DHX8: variants seen among roughly 807,000 people sequenced by gnomAD.
The protein encoded by DHX8 is ATP-dependent RNA helicase DHX8.
In DHX8, 67 loss-of-function variants were observed where a neutral mutation model predicts 140.7. The observed-to-expected ratio is 0.48, with a 90% CI of 0.39 to 0.58. The LOEUF is 0.58. Among genes scored for constraint, DHX8 ranks in the 20% least tolerant of loss-of-function variants. The pLI is 0.00. For synonymous variants in DHX8, 533 were observed against 553.2 expected, an observed-to-expected ratio of 0.96 and a Z score of 0.51; for missense variants, 887 against 1,550.7, an observed-to-expected ratio of 0.57 and a Z score of 7.19.
At chr17:43,533,722 G>T (rs1383278470) in intron 2 of DHX8, 5 of 1,125,162 alleles carry the variant, frequency 4.4e-6, no homozygotes, top group South Asian at 1.5e-5. Flanking sequence ...TAGCTGTATT[G>T]CTTCCTTACA....
Position 43,520,897 on chromosome 17 carries a change from A to C in DHX8, c.3066+18A>C, listed in dbSNP as rs1970340714. 6.3e-7 allele frequency: 1 copy of C among 1,595,220 alleles called. No individual in the cohort carries two copies. Among genetic ancestry groups the C allele is most frequent in the Non-Finnish European group, 8.5e-7 (1 of 1,171,344 alleles). On this transcript the variant is annotated intron_variant, in intron 20 of 22. Transcript: ENST00000262415. Reference sequence around the variant, plus strand: ...GGCCCAAGGTAGGAAGTTCAGATCCAAGTTTAGATGGGGGTGCCATGAAGT... The same window carrying C: ...GGCCCAAGGTAGGAAGTTCAGATCCCAGTTTAGATGGGGGTGCCATGAAGT...
rs536860198 is a variant in DHX8 at position 43,493,275 on chromosome 17, A to G, written c.864-170A>G. Among the ~76,000 whole-genome samples the G allele has an allele frequency of 2.6e-5, 4 of 152,198 alleles. No homozygotes were observed. The South Asian group carries it at 8.3e-4, about 32-fold the overall frequency. On this transcript the variant is annotated intron_variant, in intron 6 of 22. Transcript: ENST00000262415. ...CAGATAGAATTTGCTTCCCCACCCC[A>G]TGTCTCCCCATGAGGAGAGTGTTAA...
At chr17:43,522,829 C>T (rs1223333803) in intron 22 of DHX8, among the ~76,000 whole-genome samples, 4 of 149,946 alleles carry the variant, frequency 2.7e-5, no homozygotes, top group African/African-American at 7.4e-5. Context: ...TTTGGGAGGC[C>T]GAGGCAGGTG....
chr17:43,530,508 G>T (rs1004529217), downstream of DHX8: 2 of 1,121,328 alleles, frequency 1.8e-6, no homozygotes, highest in Non-Finnish European at 1.2e-6. Flanking sequence ...AGGGTGAGAT[G>T]AACGTCCGGG....
chr17:43,542,982 A>G (rs1181556157), intron 3 of DHX8, among the ~76,000 whole-genome samples: 1 of 152,070 alleles, frequency 6.6e-6, no homozygotes, highest in East Asian at 1.9e-4. Flanking sequence ...TGGTGGGAAG[A>G]GACAGGAGAG....
In DHX8 at chr17:43,513,709, C is replaced by CTTTTTT. The variant is rs34829204; in HGVS notation, c.2643+223_2643+228dup. 5.4e-4 allele frequency among the ~76,000 whole-genome samples: 57 copies of CTTTTTT among 105,932 alleles called. 1 individual carries two copies. Among genetic ancestry groups the CTTTTTT allele is most frequent in the African/African-American group, 9.7e-4 (26 of 26,942 alleles). The allele number at this position is 105,932 out of a possible 152,430, so 69.5% of individuals were successfully genotyped here. ...CTGATTGATCCTTGAAGTTTTTAAT[C>CTTTTTT]TTTTTTTTTTTTTTTTTTTTTGAGA... is the stretch of plus-strand genomic sequence containing the variant. On this transcript the variant is annotated intron_variant, in intron 17 of 22. Transcript: ENST00000262415.
At chr17:43,535,636 A>G (rs1188712816) in intron 2 of DHX8, among the ~76,000 whole-genome samples, 4 of 152,172 alleles carry the variant, frequency 2.6e-5, no homozygotes, top group South Asian at 2.1e-4. Flanking sequence ...TGTTTTATTA[A>G]TAATATTGTA....
At chr17:43,539,760 G>A (rs1265393186) in intron 3 of DHX8, among the ~76,000 whole-genome samples, 1 of 152,176 alleles carries the variant, frequency 6.6e-6, no homozygotes, top group African/African-American at 2.4e-5. Context: ...AACACTAGAG[G>A]CAGGTCCTCT....
chr17:43,498,983 C>G, intron 10 of DHX8, 24 bp downstream of exon 10: 2 of 1,540,206 alleles, frequency 1.3e-6, no homozygotes, highest in South Asian at 1.2e-5. Flanking sequence ...GACCTTTAAC[C>G]TGGAAATGTC....
intron 3 of DHX8, among the ~76,000 whole-genome samples, chr17:43,490,803 G>A (rs1427140779): frequency 6.6e-6 from 1 of 152,136 alleles, no homozygotes; most frequent in Non-Finnish European, 1.5e-5. Flanking sequence ...GAGTCCAAAA[G>A]GGTGAAGCTG....
chr17:43,504,568 A>G (rs1969386636), intron 11 of DHX8, 76 bp from the exon 12 acceptor site: 1 of 1,452,068 alleles, frequency 6.9e-7, no homozygotes, highest in Non-Finnish European at 9.3e-7. Context: ...CAGTGCCCGC[A>G]TGCCATTTTA....
intron 17 of DHX8, among the ~76,000 whole-genome samples, chr17:43,513,775 G>A (rs12948733): frequency 0.013 from 1,863 of 146,146 alleles, 42 homozygotes; most frequent in African/African-American, 0.045. Flanking sequence ...GTGCAGTGGC[G>A]CAATCTCGGC....
intron 1 of DHX8, among the ~76,000 whole-genome samples, chr17:43,487,349 T>TGA (rs2154586263): frequency 6.6e-6 from 1 of 152,370 alleles, no homozygotes; most frequent in East Asian, 1.9e-4. Flanking sequence ...TAGTACTACT[T>TGA]TATGAGTTAG....
At chr17:43,510,716 A>G (rs1322220477) in intron 16 of DHX8, among the ~76,000 whole-genome samples, 1 of 152,182 alleles carries the variant, frequency 6.6e-6, no homozygotes, top group African/African-American at 2.4e-5. Flanking sequence ...CATCACCACA[A>G]TTATATTTAG....
chr17:43,492,556 ACT>A (rs1258800854), intron 5 of DHX8, 123 bp from the exon 6 acceptor site: 6 of 651,528 alleles, frequency 9.2e-6, no homozygotes, highest in Middle Eastern at 2.5e-4. Context: ...AGTTATTGAA[ACT>A]CTAATTCAGT....
At chr17:43,507,235 G>A (rs1303124448) in intron 13 of DHX8, 38 bp downstream of exon 13, 1 of 1,565,690 alleles carries the variant, frequency 6.4e-7, no homozygotes, top group African/African-American at 1.4e-5. Flanking sequence ...AATACCAGAA[G>A]CAAAGGCCCA....
In DHX8 at chr17:43,484,026, C is replaced by T. The variant is rs745351804; in HGVS notation, c.-12C>T. 2.5e-6 allele frequency: 4 copies of T among 1,613,914 alleles called. No individual in the cohort carries two copies. The highest frequency in any genetic ancestry group is 1.1e-5 in the South Asian group (1 of 91,066). ...CGGCTGTGAGGAAGGAGGTTCTGGG[C>T]AAGCTATAGCCATGGCTGTGGCTGT... On this transcript the variant is annotated 5_prime_UTR_variant, in exon 1 of 23. Transcript: ENST00000262415.
chr17:43,507,096 A>G lies in DHX8; in HGVS notation c.1822A>G (p.Thr608Ala). The change falls in exon 13 of 23, where the codon ACT (threonine) becomes GCT (alanine). Residue 608 changes from threonine (T) to alanine (A), a missense_variant. By Grantham distance (58) the Thr-to-Ala change is moderately conservative. Transcript: ENST00000262415. Reference sequence around the variant, plus strand: ...CCAGTACCTGGCGGAGGCAGGCTACACTTCCAGGGGCAAGATTGGGTGTAC... The same window carrying G: ...CCAGTACCTGGCGGAGGCAGGCTACGCTTCCAGGGGCAAGATTGGGTGTAC... The part of the protein sequence containing the change: ...ITQYLAEAGY[T>A]SRGKIGCTQP... The G allele has an allele frequency of 6.2e-7, 1 of 1,614,128 alleles. No individual in the cohort carries two copies. The highest frequency in any genetic ancestry group is 8.5e-7 in the Non-Finnish European group (1 of 1,180,024).
intron 8 of DHX8, among the ~76,000 whole-genome samples, chr17:43,494,591 C>T (rs894095247): frequency 6.6e-6 from 1 of 151,058 alleles, no homozygotes; most frequent in African/African-American, 2.4e-5. Context: ...CGTCATGGTG[C>T]GCGCCTATAA....
Sources: allele counts gnomAD v4.1 joint callset (sites outside exome capture counted in the v4.1 genomes callset), GRCh38; gene constraint gnomAD v4.1.1; transcripts MANE v1.5; gene names NCBI Gene and HGNC (gene_info 2026-07-23, HGNC 2026-07-21).